The following WWOX variants were observed in gnomAD, a reference collection of about 807,000 sequenced individuals.
WWOX encodes the protein WW domain containing oxidoreductase, also known as WW domain-containing oxidoreductase.
WWOX carries 69 observed loss-of-function variants against 46.2 expected under a neutral mutation model. The ratio of observed to expected loss-of-function variants is 1.49; its 90% CI spans 1.23 to 1.82. WWOX has a LOEUF of 1.82. WWOX is among the 40% of genes most tolerant of loss of function. WWOX has a pLI of 0.00. For synonymous variants in WWOX, 359 were observed against 202.6 expected, an observed-to-expected ratio of 1.77 and a Z score of -6.56; for missense variants, 919 against 542.6, an observed-to-expected ratio of 1.69 and a Z score of -6.89.
intron 5 of WWOX, among the ~76,000 whole-genome samples, chr16:78,334,804 A>ACACG (rs1555521504): frequency 1.0e-4 from 6 of 57,900 alleles, no homozygotes; most frequent in African/African-American, 2.1e-4. Context: ...ACACACACAC[A>ACACG]CACGCACACA....
intron 5 of WWOX, among the ~76,000 whole-genome samples, chr16:78,183,975 A>C (rs997429673): frequency 6.6e-6 from 1 of 152,132 alleles, no homozygotes; most frequent in Non-Finnish European, 1.5e-5. Context: ...CTGCACAAAC[A>C]CTTTGGGCAG....
At chr16:79,106,803 T>G (rs374553405) in intron 8 of WWOX, 15 of 149,104 alleles carry the variant, frequency 1.0e-4, no homozygotes, top group African/African-American at 3.7e-4. Flanking sequence ...TTAACTTTTT[T>G]TCTTTTTTTT....
intron 8 of WWOX, among the ~76,000 whole-genome samples, chr16:78,926,582 C>T (rs897751596): frequency 6.6e-6 from 1 of 152,102 alleles, no homozygotes; most frequent in Non-Finnish European, 1.5e-5. Context: ...CACTTCTTTG[C>T]TGTTGGTCTG....
chr16:78,540,008 T>TCC (rs1460910701), intron 8 of WWOX, among the ~76,000 whole-genome samples: 18 of 123,972 alleles, frequency 1.5e-4, no homozygotes, highest in Middle Eastern at 4.4e-3. Flanking sequence ...TCTCTCTCTC[T>TCC]CTCTCTCTCT....
At chr16:78,688,321 G>C (rs1162708400) in intron 8 of WWOX, among the ~76,000 whole-genome samples, 1 of 148,218 alleles carries the variant, frequency 6.7e-6, no homozygotes, top group African/African-American at 2.5e-5. Context: ...AATTTTCTGA[G>C]AGAAAATTCA....
intron 8 of WWOX, among the ~76,000 whole-genome samples, chr16:79,170,737 T>C (rs1453058925): frequency 6.6e-6 from 1 of 152,200 alleles, no homozygotes; most frequent in East Asian, 1.9e-4. Context: ...TTTTTCTTTT[T>C]CTGTATGTTT....
intron 8 of WWOX, among the ~76,000 whole-genome samples, chr16:78,958,661 G>C (rs2046216251): frequency 2.0e-5 from 3 of 152,048 alleles, no homozygotes; most frequent in African/African-American, 7.2e-5. Context: ...GGTTTCTCTG[G>C]TTTTCTTTTG....
At chr16:79,113,568 G>T (rs566839174) in intron 8 of WWOX, among the ~76,000 whole-genome samples, 8 of 152,314 alleles carry the variant, frequency 5.3e-5, no homozygotes, top group African/African-American at 1.7e-4. Context: ...TTAGGCTTAC[G>T]CCTGGGTGGA....
chr16:78,357,855 C>T (rs966057748), intron 5 of WWOX, among the ~76,000 whole-genome samples: 5 of 152,236 alleles, frequency 3.3e-5, no homozygotes, highest in Admixed American at 6.5e-5. Context: ...AATAGCTAAC[C>T]AGTAGCAGAG....
intron 8 of WWOX, among the ~76,000 whole-genome samples, chr16:78,865,773 AG>A (rs2043990224): frequency 6.6e-6 from 1 of 152,282 alleles, no homozygotes; most frequent in East Asian, 1.9e-4. Context: ...CCAGCTACTC[AG>A]GAGACGGAGG....
At chr16:79,040,123 C>T (rs1031667674) in intron 8 of WWOX, among the ~76,000 whole-genome samples, 1 of 152,086 alleles carries the variant, frequency 6.6e-6, no homozygotes, top group Non-Finnish European at 1.5e-5. Flanking sequence ...AAGATTGGCT[C>T]ACATCAGTAA....
intron 8 of WWOX, among the ~76,000 whole-genome samples, chr16:78,829,546 C>A (rs761867640): frequency 1.8e-4 from 28 of 152,120 alleles, no homozygotes; most frequent in Admixed American, 3.9e-4. Context: ...GTCAAGTTGA[C>A]ACCTACAATT....
chr16:78,333,955 T>C (rs1365584905), intron 5 of WWOX, among the ~76,000 whole-genome samples: 1 of 152,154 alleles, frequency 6.6e-6, no homozygotes, highest in Non-Finnish European at 1.5e-5. Flanking sequence ...CGTGATCCAC[T>C]GATGGTAAAT....
At chr16:78,205,323 A>G (rs2036356385) in intron 5 of WWOX, among the ~76,000 whole-genome samples, 1 of 152,214 alleles carries the variant, frequency 6.6e-6, no homozygotes. Flanking sequence ...AAGTTAGGAT[A>G]GAAAAACTCC....
chr16:78,498,859 A>T (rs2084982892), intron 8 of WWOX, among the ~76,000 whole-genome samples: 1 of 95,716 alleles, frequency 1.0e-5, no homozygotes, highest in Admixed American at 1.3e-4. Flanking sequence ...AGCCACTGTT[A>T]CTGGTCTGTT....
intron 8 of WWOX, among the ~76,000 whole-genome samples, chr16:78,642,378 C>T (rs558826322): frequency 6.6e-6 from 1 of 152,166 alleles, no homozygotes; most frequent in Non-Finnish European, 1.5e-5. Context: ...TTTATGCTGA[C>T]TTTCCTTTTT....
intron 8 of WWOX, among the ~76,000 whole-genome samples, chr16:78,549,651 G>A (rs535929759): frequency 4.6e-5 from 7 of 152,226 alleles, no homozygotes; most frequent in African/African-American, 1.4e-4. Flanking sequence ...GCGAGCTAAT[G>A]GAAATCATTC....
At chr16:78,928,743 T>A (rs2045557207) in intron 8 of WWOX, among the ~76,000 whole-genome samples, 1 of 152,174 alleles carries the variant, frequency 6.6e-6, no homozygotes, top group African/African-American at 2.4e-5. Flanking sequence ...GGACCTGCAT[T>A]GCTGTGTTTC....
chr16:78,772,041 T>C (rs1220477268), intron 8 of WWOX, among the ~76,000 whole-genome samples: 1 of 152,198 alleles, frequency 6.6e-6, no homozygotes, highest in East Asian at 1.9e-4. Context: ...CTGTAATTCT[T>C]TTTTTAACTT....
Sources: gnomAD v4.1 joint callset for allele counts (sites outside exome capture counted in the v4.1 genomes callset) on GRCh38, gnomAD v4.1.1 for gene constraint, MANE v1.5 for transcripts, NCBI Gene and HGNC (gene_info 2026-07-23, HGNC 2026-07-21) for gene names.